Variants in SLC7A6 observed in about 807,000 individuals in gnomAD.
SLC7A6 encodes solute carrier family 7 member 6.
Under a neutral mutation model 46.6 loss-of-function variants are expected in SLC7A6, and 29 were observed. That is an observed-to-expected ratio of 0.62 (90% confidence interval 0.46 to 0.85). The LOEUF (loss-of-function observed/expected upper bound fraction) is 0.85, where lower values mean the gene tolerates loss of function less well. Among genes scored for constraint, SLC7A6 ranks in the 40% least tolerant of loss-of-function variants. SLC7A6 has a pLI of 0.00. For missense variants in SLC7A6, 527 were observed against 647.6 expected, an observed-to-expected ratio of 0.81 and a Z score of 2.02; for synonymous variants, 276 against 257.3, an observed-to-expected ratio of 1.07 and a Z score of -0.70.
intron 5 of SLC7A6, 199 bp downstream of exon 5, chr16:68,290,739 C>G: frequency 3.1e-6 from 2 of 636,922 alleles, no homozygotes; most frequent in South Asian, 3.8e-5. Context: ...CCTGTCCTCA[C>G]GTTCGCACTG....
chr16:68,285,504 C>T (rs1567589792), intron 3 of SLC7A6, among the ~76,000 whole-genome samples: 1 of 152,150 alleles, frequency 6.6e-6, no homozygotes, highest in South Asian at 2.1e-4. Context: ...TGGGCTGCTT[C>T]TCCCCTCCCA....
Position 68,297,399 on chromosome 16 carries a change from G to C in SLC7A6, c.*71G>C. The C allele has an allele frequency of 7.8e-7, 1 of 1,283,804 alleles. No individual in the cohort carries two copies. The highest frequency in any genetic ancestry group is 1.9e-5 in the Admixed American group (1 of 53,520). The allele number at this position is 1,283,804 out of a possible 1,614,324, so 79.5% of individuals were successfully genotyped here. On this transcript the variant is annotated 3_prime_UTR_variant, in exon 11 of 11. Transcript: ENST00000219343. ...AAAATCCTGATAACAAGACTCTGTG[G>C]GCCCAACTCTCCTGAATTAAAGGAG...
intron 4 of SLC7A6, 30 bp from the exon 5 acceptor site, chr16:68,290,366 T>C: frequency 6.2e-7 from 1 of 1,613,490 alleles, no homozygotes; most frequent in Non-Finnish European, 8.5e-7. Flanking sequence ...TCCTTCTCTC[T>C]GAACCCCTCA....
chr16:68,278,359 T>C (rs1035336931), intron 3 of SLC7A6, among the ~76,000 whole-genome samples: 6 of 151,854 alleles, frequency 4.0e-5, no homozygotes, highest in Non-Finnish European at 8.8e-5. Context: ...AGAGGGGGAT[T>C]TGGCAGGGTC....
At chr16:68,282,670 T>G (rs1279630717) in intron 3 of SLC7A6, among the ~76,000 whole-genome samples, 2 of 151,506 alleles carry the variant, frequency 1.3e-5, no homozygotes, top group Non-Finnish European at 2.9e-5. Context: ...CAGGCTGGAG[T>G]CCAGTGGCGT....
intron 3 of SLC7A6, 132 bp from the exon 4 acceptor site, chr16:68,287,614 C>T (rs1026304266): frequency 2.1e-5 from 32 of 1,522,324 alleles, no homozygotes; most frequent in Middle Eastern, 3.7e-4. Flanking sequence ...TGCCAGTTCG[C>T]CTTGTTCTGA....
In SLC7A6 at chr16:68,300,691, G is replaced by A. The variant is rs2043254553; in HGVS notation, c.*3363G>A. On this transcript the variant is annotated 3_prime_UTR_variant, in exon 11 of 11. Transcript: ENST00000219343. The stretch of plus-strand genomic sequence containing the variant: ...ATTGTTTCTTGGCCCCACTGCCAAA[G>A]GAAGTCAGTCAGTAATTTCACAACC... 1.0e-6 allele frequency: 1 copy of A among 985,446 alleles called. No homozygotes were observed. The allele number at this position is 985,446 out of a possible 1,614,324, so 61.0% of individuals were successfully genotyped here.
At chr16:68,288,781 T>A (rs774466725) in intron 4 of SLC7A6, among the ~76,000 whole-genome samples, 1 of 151,752 alleles carries the variant, frequency 6.6e-6, no homozygotes, top group Non-Finnish European at 1.5e-5. Context: ...CTGACCAACA[T>A]AGAGAAACCC....
chr16:68,274,392 A>G (rs1321764604), intron 2 of SLC7A6, among the ~76,000 whole-genome samples: 1 of 152,224 alleles, frequency 6.6e-6, no homozygotes, highest in Non-Finnish European at 1.5e-5. Context: ...TAACTCAAGG[A>G]GAATCCAATC....
At chr16:68,294,921 G>A in intron 8 of SLC7A6, 120 bp downstream of exon 8, 1 of 652,012 alleles carries the variant, frequency 1.5e-6, no homozygotes, top group Admixed American at 2.9e-5. Context: ...GTGAAAAACA[G>A]TTCATTTTTT....
rs769563964 is a variant in SLC7A6 at position 68,296,347 on chromosome 16, C to T, written c.1120-17C>T. ...GTGGTGACGATGCTCACCTGTCTCC[C>T]CACCCCTTTCCCACAGTGCACCATG... On this transcript the variant is annotated splice_polypyrimidine_tract_variant and intron_variant, in intron 8 of 10. Coordinates refer to ENST00000219343, the MANE Select transcript of SLC7A6 (RefSeq NM_003983.6). 5 of 1,613,590 alleles carry T rather than the reference C, an allele frequency of 3.1e-6. No homozygotes were observed. In the East Asian group the frequency reaches 1.1e-4, roughly 36 times the overall value.
In SLC7A6 at chr16:68,299,162, A is replaced by G. The variant is rs900114260; in HGVS notation, c.*1834A>G. 6.6e-6 allele frequency: 1 copy of G among 152,654 alleles called. No homozygotes were observed. The highest frequency in any genetic ancestry group is 1.5e-5 in the Non-Finnish European group (1 of 68,044). The allele number at this position is 152,654 out of a possible 1,614,324, so 9.5% of individuals were successfully genotyped here. On this transcript the variant is annotated 3_prime_UTR_variant, in exon 11 of 11. Coordinates refer to ENST00000219343, the MANE Select transcript of SLC7A6 (RefSeq NM_003983.6). ...GCTGACTTGCCTGAACGCTAAGAAC[A>G]TGACTTCTGTCTGAGCTAAGCTGGC...
At chr16:68,293,995 T>C (rs975456303) in intron 7 of SLC7A6, among the ~76,000 whole-genome samples, 1 of 152,262 alleles carries the variant, frequency 6.6e-6, no homozygotes, top group Middle Eastern at 3.4e-3. Context: ...CCTCCTGGAT[T>C]CAAGTGATTC....
At chr16:68,278,624 TG>T (rs1295684746) in intron 3 of SLC7A6, among the ~76,000 whole-genome samples, 3 of 151,984 alleles carry the variant, frequency 2.0e-5, no homozygotes, top group Non-Finnish European at 4.4e-5. Context: ...AGCACCGGGT[TG>T]GGGGTAAGGT....
chr16:68,285,548 T>C (rs544968005), intron 3 of SLC7A6, among the ~76,000 whole-genome samples: 3 of 152,316 alleles, frequency 2.0e-5, no homozygotes, highest in East Asian at 1.9e-4. Flanking sequence ...CACATCATGA[T>C]TGACTAGTAA....
At chr16:68,296,546 G>A (rs1436198426) in intron 9 of SLC7A6, 33 bp downstream of exon 9, 3 of 1,614,046 alleles carry the variant, frequency 1.9e-6, no homozygotes, top group Admixed American at 1.7e-5. Context: ...GGAGGGGTGG[G>A]CCATCTCCCT....
chr16:68,266,057 G>A (rs1262712201), intron 1 of SLC7A6, among the ~76,000 whole-genome samples: 1 of 152,100 alleles, frequency 6.6e-6, no homozygotes, highest in African/African-American at 2.4e-5. Flanking sequence ...TCAGGAGATC[G>A]AGACCATCCT....
chr16:68,268,452 CAA>C (rs2042570375), intron 2 of SLC7A6, among the ~76,000 whole-genome samples: 1 of 152,160 alleles, frequency 6.6e-6, no homozygotes, highest in Non-Finnish European at 1.5e-5. Flanking sequence ...TGAGTTTTTC[CAA>C]ACATTCTCAA....
intron 1 of SLC7A6, among the ~76,000 whole-genome samples, chr16:68,265,167 C>T (rs971137893): frequency 6.6e-6 from 1 of 152,154 alleles, no homozygotes; most frequent in Non-Finnish European, 1.5e-5. Context: ...TAGAGAATGC[C>T]GCAAGGTTTT....
Sources: gnomAD v4.1 joint callset for allele counts (sites outside exome capture counted in the v4.1 genomes callset) on GRCh38, gnomAD v4.1.1 for gene constraint, MANE v1.5 for transcripts, NCBI Gene and HGNC (gene_info 2026-07-23, HGNC 2026-07-21) for gene names.